PRKX: variants seen among roughly 807,000 people sequenced by gnomAD.
The protein encoded by PRKX is cAMP-dependent protein kinase catalytic subunit PRKX.
In PRKX, 12 loss-of-function variants were observed where a neutral mutation model predicts 22.0. That is an observed-to-expected ratio of 0.54 (90% confidence interval 0.35 to 0.88). The LOEUF is 0.88. Among genes scored for constraint, PRKX ranks in the 40% least tolerant of loss-of-function variants. The pLI, the probability that PRKX is intolerant of heterozygous loss-of-function variation, is 0.01. For missense variants in PRKX, 217 were observed against 308.0 expected (o/e 0.70, Z 2.21); for synonymous variants, 134 against 137.7 (o/e 0.97, Z 0.19).
At chrX:3,672,622 T>C (rs1383453975) in intron 2 of PRKX, among the ~76,000 whole-genome samples, 1 of 111,415 alleles carries the variant, frequency 9.0e-6, no homozygotes, top group African/African-American at 3.3e-5. Context: ...GCTGCTCTCC[T>C]GCTCCAGGAG....
chrX:3,700,725 C>T (rs1345803266), intron 1 of PRKX, among the ~76,000 whole-genome samples: 5 of 103,676 alleles, frequency 4.8e-5, no homozygotes, highest in East Asian at 2.8e-4. Flanking sequence ...ACTACAGGCA[C>T]GTGCCACCAC....
intron 4 of PRKX, among the ~76,000 whole-genome samples, chrX:3,636,272 G>A (rs1161479276): frequency 4.4e-5 from 5 of 112,399 alleles, no homozygotes; most frequent in Non-Finnish European, 9.4e-5. Context: ...CACAGGCTGC[G>A]AAGGGAGCAG....
chrX:3,689,046 T>C (rs1378661669), intron 1 of PRKX, among the ~76,000 whole-genome samples: 2 of 112,227 alleles, frequency 1.8e-5, no homozygotes, highest in Admixed American at 9.5e-5. Flanking sequence ...TATATAACTT[T>C]CTCACCTTTT....
chrX:3,620,626 C>T (rs937366882), intron 6 of PRKX, among the ~76,000 whole-genome samples: 2 of 112,475 alleles, frequency 1.8e-5, no homozygotes, highest in African/African-American at 6.5e-5. Flanking sequence ...CTCATAGGAG[C>T]ACACACCCTA....
At chrX:3,666,769 G>A (rs57863075) in intron 2 of PRKX, among the ~76,000 whole-genome samples, 1,248 of 108,763 alleles carry the variant, frequency 0.011, 20 homozygotes, top group African/African-American at 0.039. Context: ...TTAGCCAGGC[G>A]TGGTAGTGCG....
At chrX:3,625,262 G>A (rs368355565) in intron 5 of PRKX, among the ~76,000 whole-genome samples, 29 of 111,709 alleles carry the variant, frequency 2.6e-4, no homozygotes, top group African/African-American at 8.1e-4. Flanking sequence ...AGGATGGGGT[G>A]CGTTCACCAC....
chrX:3,677,753 G>A (rs1927994124), intron 1 of PRKX, among the ~76,000 whole-genome samples: 2 of 111,657 alleles, frequency 1.8e-5, no homozygotes, highest in South Asian at 7.4e-4. Flanking sequence ...AGGAGGAGAA[G>A]TAACCTTTGC....
chrX:3,639,537 G>C (rs1173844448), intron 4 of PRKX, among the ~76,000 whole-genome samples: 8 of 69,719 alleles, frequency 1.1e-4, no homozygotes, highest in African/African-American at 3.6e-4. Flanking sequence ...GATGGATGAC[G>C]GGGTGGGTGG....
rs183039295 is a variant in PRKX at position 3,626,855 on chromosome X, C to A, written c.720-341G>T. Among the ~76,000 whole-genome samples the A allele has an allele frequency of 1.4e-3, 154 of 111,965 alleles. 1 individual carries two copies. The highest frequency in any genetic ancestry group is 4.8e-3 in the African/African-American group (147 of 30,830). ...TAACTGTGCACTAAACACTGGACAGCAATGCTCTCTCATGTTTACCGGGGT... is the reference window on the plus strand; with the variant it reads ...TAACTGTGCACTAAACACTGGACAGAAATGCTCTCTCATGTTTACCGGGGT... On this transcript the variant is annotated intron_variant, in intron 4 of 8. Coordinates refer to ENST00000262848, the MANE Select transcript of PRKX (RefSeq NM_005044.5).
intron 4 of PRKX, among the ~76,000 whole-genome samples, chrX:3,630,529 C>A (rs12851975): frequency 7.2e-5 from 8 of 110,847 alleles, no homozygotes; most frequent in Non-Finnish European, 1.1e-4. Flanking sequence ...CACTGCACTC[C>A]AGCCTGGGCG....
rs752728000 is a variant in PRKX at position 3,683,636 on chromosome X, A to AGAC, written c.167-8873_167-8871dup. ...GGGATCACTTGAGGCCGGGAGTTCA[A>AGAC]GACCTGCCTGGGCAACATAGCGAGA... On this transcript the variant is annotated intron_variant, in intron 1 of 8. Transcript: ENST00000262848. 3.9e-3 allele frequency among the ~76,000 whole-genome samples: 437 copies of AGAC among 111,663 alleles called. 3 individuals are homozygous for AGAC. Among genetic ancestry groups the AGAC allele is most frequent in the African/African-American group, 0.014 (419 of 30,751 alleles).
At position 3,682,156 on chromosome X, in the gene PRKX, G is replaced by A. The variant is rs558563211; in HGVS notation, c.167-7390C>T. ...TCAGGAAGGTGACGGGAGAAGGACC[G>A]TGTCTCACTGCAGCACATTCCCGGG... is the stretch of plus-strand genomic sequence containing the variant. On this transcript the variant is annotated intron_variant, in intron 1 of 8. Transcript: ENST00000262848. Among the ~76,000 whole-genome samples the A allele has an allele frequency of 8.7e-4, 96 of 110,352 alleles. No individual in the cohort carries two copies. The South Asian group carries it at 0.033, about 38-fold the overall frequency.
At chrX:3,642,301 AAATT>A (rs1035283389) in intron 3 of PRKX, among the ~76,000 whole-genome samples, 1 of 110,723 alleles carries the variant, frequency 9.0e-6, no homozygotes, top group East Asian at 2.8e-4. Context: ...ATAAAGAATA[AAATT>A]AATTAATTAA....
At chrX:3,711,497 G>T (rs1394784303) in intron 1 of PRKX, among the ~76,000 whole-genome samples, 3 of 112,051 alleles carry the variant, frequency 2.7e-5, no homozygotes, top group African/African-American at 9.7e-5. Context: ...CTCTGCCCCG[G>T]CCTCCAGCCC....
At chrX:3,682,057 C>T (rs1378426783) in intron 1 of PRKX, among the ~76,000 whole-genome samples, 10 of 111,490 alleles carry the variant, frequency 9.0e-5, no homozygotes, top group Admixed American at 2.9e-4. Context: ...GAATTTCACG[C>T]GGTCACAAAA....
intron 1 of PRKX, among the ~76,000 whole-genome samples, chrX:3,693,895 G>A (rs1449194167): frequency 2.1e-5 from 2 of 94,946 alleles, no homozygotes; most frequent in Non-Finnish European, 4.2e-5. Flanking sequence ...AGCCGAGATT[G>A]CGCCACTGCA....
chrX:3,665,551 C>T (rs1235526412), intron 2 of PRKX, among the ~76,000 whole-genome samples: 1 of 111,097 alleles, frequency 9.0e-6, no homozygotes, highest in African/African-American at 3.3e-5. Context: ...ATTTGCCAAA[C>T]CTTGTTCATA....
Position 3,615,011 on chromosome X carries a change from A to ATTTTTTTTTTTT in PRKX, c.951+792_951+803dup, listed in dbSNP as rs761643511. On this transcript the variant is annotated intron_variant, in intron 7 of 8. Transcript: ENST00000262848. The stretch of plus-strand genomic sequence containing the variant: ...TATTATACATTGAAAAAAATGCCAG[A>ATTTTTTTTTTTT]TTTTTTTTTTTTTTTTTTTTTTTTT... Among the ~76,000 whole-genome samples the ATTTTTTTTTTTT allele has an allele frequency of 8.4e-5, 5 of 59,754 alleles. 1 individual carries two copies. The highest frequency in any genetic ancestry group is 3.8e-4 in the African/African-American group (5 of 13,211). 51.9% of individuals were successfully genotyped at this position (59,754 alleles called of 115,157 possible).
chrX:3,650,511 A>C (rs1254157095), intron 3 of PRKX, among the ~76,000 whole-genome samples: 1 of 45,748 alleles, frequency 2.2e-5, no homozygotes, highest in Non-Finnish European at 3.5e-5. Context: ...ACAGAGCGAG[A>C]CTCCTCTCCA....
Sources: gnomAD v4.1 joint callset for allele counts (sites outside exome capture counted in the v4.1 genomes callset) on GRCh38, gnomAD v4.1.1 for gene constraint, MANE v1.5 for transcripts, NCBI Gene and HGNC (gene_info 2026-07-23, HGNC 2026-07-21) for gene names.